Variants in ACVRL1 observed in about 807,000 individuals in gnomAD.
The protein encoded by ACVRL1 is activin A receptor like type 1.
A neutral mutation model predicts 51.9 loss-of-function variants in ACVRL1; 20 were observed. The ratio of observed to expected loss-of-function variants is 0.39; its 90% CI spans 0.27 to 0.56. The LOEUF (loss-of-function observed/expected upper bound fraction) is 0.56, where lower values mean the gene tolerates loss of function less well. Among genes scored for constraint, ACVRL1 ranks in the 20% least tolerant of loss-of-function variants. ACVRL1 has a pLI of 0.67. For missense variants in ACVRL1, 451 were observed against 670.3 expected, an observed-to-expected ratio of 0.67 and a Z score of 3.61; for synonymous variants, 288 against 280.9, an observed-to-expected ratio of 1.03 and a Z score of -0.25.
chr12:51,916,125 G>T lies in ACVRL1; in HGVS notation c.1138G>T (p.Val380Leu). The change falls in exon 8 of 10, where the codon GTG (valine) becomes TTG (leucine). Residue 380 changes from valine to leucine, a missense_variant. Val to Leu is a conservative substitution (Grantham distance 32, BLOSUM62 1). This residue lies in a region of ACVRL1 where 259 missense variants were observed against 453.4 expected (regional missense o/e 0.57). Coordinates refer to ENST00000388922, the MANE Select transcript of ACVRL1 (RefSeq NM_000020.3). ...VGTKRYMAPEVLDEQIRTDCF... is the reference protein window; with the variant it reads ...VGTKRYMAPELLDEQIRTDCF... ...CACCAAGCGGTACATGGCACCCGAG[G>T]TGCTGGACGAGCAGATCCGCACGGA... The T allele has an allele frequency of 1.2e-6, 2 of 1,614,038 alleles. No individual in the cohort carries two copies.
In ACVRL1 at chr12:51,919,006, C is replaced by T. The variant is rs1940906263; in HGVS notation, c.1268C>T (p.Pro423Leu). The T allele has an allele frequency of 2.5e-6, 4 of 1,614,052 alleles. No homozygotes were observed. The highest frequency in any genetic ancestry group is 2.7e-5 in the African/African-American group (2 of 74,924). ...CCAGGCATCGTGGAGGACTATAGAC[C>T]ACCCTTCTATGATGTGGTGCCCAAT... Reference protein sequence around the residue: ...IVNGIVEDYRPPFYDVVPNDP... With the variant: ...IVNGIVEDYRLPFYDVVPNDP... The change falls in exon 9 of 10, where the codon CCA (proline) becomes CTA (leucine). Residue 423 changes from proline (P) to leucine (L), a missense_variant. Around this residue, in one of 2 missense-constraint regions of ACVRL1, gnomAD observed 259 missense variants for 453.4 expected, o/e 0.57. Coordinates refer to ENST00000388922, the MANE Select transcript of ACVRL1 (RefSeq NM_000020.3).
intron 6 of ACVRL1, 90 bp from the exon 7 acceptor site, chr12:51,915,135 C>T (rs1940797823): frequency 7.0e-7 from 1 of 1,432,212 alleles, no homozygotes; most frequent in Non-Finnish European, 9.8e-7. Context: ...CAGTCCATTC[C>T]CTCTCCCCCA....
intron 2 of ACVRL1, 103 bp downstream of exon 2, chr12:51,912,638 G>T: frequency 1.0e-6 from 1 of 999,978 alleles, no homozygotes; most frequent in South Asian, 1.4e-5. Flanking sequence ...AAGCTGGGGA[G>T]AATGTAGGAG....
upstream of ACVRL1, among the ~76,000 whole-genome samples, chr12:51,907,254 G>A (rs2139052799): frequency 6.6e-6 from 1 of 152,202 alleles, no homozygotes; most frequent in African/African-American, 2.4e-5. The surrounding 1 kb of genome is among the most constrained non-coding windows in gnomAD (Gnocchi z 4.5). Context: ...CCCTCGGGGA[G>A]GCGGATGTGG....
chr12:51,919,363 C>CTGTGTGTGTGTG (rs55945390), intron 9 of ACVRL1: 229 of 387,824 alleles, frequency 5.9e-4, no homozygotes, highest in African/African-American at 4.6e-3. Context: ...ATCTGTGGCT[C>CTGTGTGTGTGTG]TGTGTGTGTG....
rs770112777 is a variant in ACVRL1 at position 51,918,970 on chromosome 12, AT to A, written c.1247-13del. 2.5e-6 allele frequency: 4 copies of A among 1,614,176 alleles called. No individual in the cohort carries two copies. Among genetic ancestry groups the A allele is most frequent in the Non-Finnish European group, 3.4e-6 (4 of 1,180,026 alleles). ...AGAGTCCCAAGTGATTGTCCTGTCC[AT>A]TCTCCATTTCCAGGCATCGTGGAGG... On this transcript the variant is annotated splice_polypyrimidine_tract_variant and intron_variant, in intron 8 of 9. Transcript: ENST00000388922.
rs1351913193 is a variant in ACVRL1, at chr12:51,923,347, A to G, written c.*2454A>G. The G allele has an allele frequency of 1.3e-5, 2 of 152,252 alleles. No individual in the cohort carries two copies. Among genetic ancestry groups the G allele is most frequent in the Non-Finnish European group, 2.9e-5 (2 of 68,088 alleles). The allele number at this position is 152,252 out of a possible 1,614,324, so 9.4% of individuals were successfully genotyped here. On this transcript the variant is annotated 3_prime_UTR_variant, in exon 10 of 10. Coordinates refer to ENST00000388922, the MANE Select transcript of ACVRL1 (RefSeq NM_000020.3). ...GCACACAATAGGTCTGCAATAAACC[A>G]TGGTTAAATCCTGAGCTCCGGAGTC...
intron 5 of ACVRL1, 74 bp downstream of exon 5, chr12:51,914,147 C>A: frequency 6.6e-7 from 1 of 1,506,136 alleles, no homozygotes; most frequent in Non-Finnish European, 9.1e-7. Context: ...GAGTTTTTGG[C>A]TACTGGAATC....
At position 51,913,572 on chromosome 12, in the gene ACVRL1, T is replaced by G; in HGVS notation, c.327T>G (p.Pro109=). The G allele has an allele frequency of 6.3e-7, 1 of 1,598,272 alleles. No individual in the cohort carries two copies. The highest frequency in any genetic ancestry group is 8.5e-7 in the Non-Finnish European group (1 of 1,179,742). ...VSLVLEATQP[P]SEQPGTDGQL... ...CCCCTCCCTCAGCCACCCAACCTCC[T>G]TCGGAGCAGCCGGGAACAGATGGCC... The change falls in exon 4 of 10, where the codon CCT becomes CCG. Residue 109 remains proline, a synonymous_variant. Transcript: ENST00000388922.
At chr12:51,912,559 G>T in intron 2 of ACVRL1, 24 bp downstream of exon 2, 1 of 1,580,376 alleles carries the variant, frequency 6.3e-7, no homozygotes, top group Non-Finnish European at 8.7e-7. Context: ...GAGCAGTTAG[G>T]AAACAGGAAC....
rs1015218132 is a variant in ACVRL1 at position 51,921,037 on chromosome 12, A to C, written c.*144A>C. On this transcript the variant is annotated 3_prime_UTR_variant, in exon 10 of 10. Coordinates refer to ENST00000388922, the MANE Select transcript of ACVRL1 (RefSeq NM_000020.3). ...CGCCTGCCTGCTCGGCCCCCAGCCC[A>C]CCCAGCCAAAAATACAGCTGGGCTG... 2 of 1,022,714 alleles carry C rather than the reference A, an allele frequency of 2.0e-6. No individual in the cohort carries two copies. Among genetic ancestry groups the C allele is most frequent in the Non-Finnish European group, 2.9e-6 (2 of 688,358 alleles). The allele number at this position is 1,022,714 out of a possible 1,614,324, so 63.4% of individuals were successfully genotyped here. A position where few individuals can be genotyped will look rare whatever the true frequency, so the allele number is the denominator to read the frequency against.
At chr12:51,915,640 AC>A in intron 7 of ACVRL1, 140 bp downstream of exon 7, 1 of 1,178,666 alleles carries the variant, frequency 8.5e-7, no homozygotes, top group Non-Finnish European at 1.2e-6. Flanking sequence ...CCTCCGCAAG[AC>A]CCCACGAGTT....
intron 3 of ACVRL1, 103 bp from the exon 4 acceptor site, chr12:51,913,456 A>C: frequency 2.0e-6 from 2 of 1,019,856 alleles, no homozygotes; most frequent in Non-Finnish European, 2.8e-6. Context: ...GGGGCGGGGG[A>C]GCGGGTGGGC....
In ACVRL1 at chr12:51,912,501, C is replaced by A; in HGVS notation, c.27C>A (p.Gly9=). The part of the protein sequence containing the change: MTLGSPRK[G]LLMLLMALVT... ...TGACCTTGGGCTCCCCCAGGAAAGG[C>A]CTTCTGATGCTGCTGATGGCCTTGG... Residue 9 remains glycine, a synonymous_variant, in exon 2 of 10, where the codon GGC becomes GGA. Transcript: ENST00000388922. The A allele has an allele frequency of 6.2e-7, 1 of 1,614,156 alleles. No individual in the cohort carries two copies. The highest frequency in any genetic ancestry group is 2.2e-5 in the East Asian group (1 of 44,882).
rs886049612 is a variant in ACVRL1, at chr12:51,921,098, G to A, written c.*205G>A. On this transcript the variant is annotated 3_prime_UTR_variant, in exon 10 of 10. Transcript: ENST00000388922. ...CCCTGCTGTCTGGCCTGCTCAAAGC[G>A]GCAGGCTCCCTGACGCCTGGCTCTC... 2.7e-5 allele frequency: 17 copies of A among 632,422 alleles called. No homozygotes were observed. Among genetic ancestry groups the A allele is most frequent in the East Asian group, 1.1e-4 (4 of 34,820 alleles). 39.2% of individuals were successfully genotyped at this position (632,422 alleles called of 1,614,324 possible). A position where few individuals can be genotyped will look rare whatever the true frequency, so the allele number is the denominator to read the frequency against.
intron 1 of ACVRL1, among the ~76,000 whole-genome samples, chr12:51,909,051 A>G (rs1043046825): frequency 1.3e-5 from 2 of 152,210 alleles, no homozygotes; most frequent in Non-Finnish European, 2.9e-5. Context: ...GGTAAGGCCT[A>G]CTGAAGTGCA....
chr12:51,919,302 T>C, intron 9 of ACVRL1, 187 bp downstream of exon 9: 1 of 838,494 alleles, frequency 1.2e-6, no homozygotes, highest in South Asian at 1.6e-5. Context: ...GGCCATCTGG[T>C]CATTCTGGGA....
chr12:51,915,884 T>C (rs1940826129), intron 7 of ACVRL1, 152 bp from the exon 8 acceptor site: 2 of 810,432 alleles, frequency 2.5e-6, no homozygotes, highest in African/African-American at 1.7e-5. Context: ...GCCATGGTTC[T>C]CTCTGTGGCC....
At chr12:51,918,266 A>T (rs963898117) in intron 8 of ACVRL1, among the ~76,000 whole-genome samples, 1 of 152,234 alleles carries the variant, frequency 6.6e-6, no homozygotes, top group Non-Finnish European at 1.5e-5. Context: ...GGGTAAAAAG[A>T]TAAGTGCAGC....
Sources: allele counts gnomAD v4.1 joint callset (sites outside exome capture counted in the v4.1 genomes callset), GRCh38; gene constraint gnomAD v4.1.1; regional missense constraint gnomAD v4.1.1; non-coding constraint Gnocchi (gnomAD v3.1); transcripts MANE v1.5; gene names NCBI Gene and HGNC (gene_info 2026-07-23, HGNC 2026-07-21).